Variants in MOXD1 observed in about 807,000 individuals in gnomAD.
The protein encoded by MOXD1 is DBH-like monooxygenase protein 1.
MOXD1 carries 62 observed loss-of-function variants against 66.6 expected under a neutral mutation model. The ratio of observed to expected loss-of-function variants is 0.93; its 90% confidence interval spans 0.76 to 1.15. MOXD1 has a LOEUF of 1.15. Ranked by LOEUF, MOXD1 falls within the 50% of genes most tolerant of loss-of-function variation. The pLI, the probability that MOXD1 is intolerant of heterozygous loss-of-function variation, is 0.00. For synonymous variants in MOXD1, 303 were observed against 281.9 expected, an observed-to-expected ratio of 1.07 and a Z score of -0.75; for missense variants, 847 against 754.6, an observed-to-expected ratio of 1.12 and a Z score of -1.44.
intron 9 of MOXD1, among the ~76,000 whole-genome samples, chr6:132,316,037 A>T (rs1482016320): frequency 6.6e-6 from 1 of 152,190 alleles, no homozygotes; most frequent in East Asian, 1.9e-4. Context: ...AACACAGTGA[A>T]CATTTCAGAG....
At chr6:132,328,315 T>G in intron 5 of MOXD1, 100 bp downstream of exon 5, 1 of 1,442,814 alleles carries the variant, frequency 6.9e-7, no homozygotes, top group Middle Eastern at 1.8e-4. Flanking sequence ...ATATCAAAAG[T>G]AGCGTTAAAG....
chr6:132,297,181 C>T lies in MOXD1; in HGVS notation c.1814G>A (p.Ser605Asn). The T allele has an allele frequency of 6.2e-7, 1 of 1,613,458 alleles. No individual in the cohort carries two copies. The highest frequency in any genetic ancestry group is 8.5e-7 in the Non-Finnish European group (1 of 1,179,602). The change falls in exon 12 of 12, where the codon AGC (serine) becomes AAC (asparagine). Residue 605 changes from serine (S) to asparagine (N), a missense_variant. Transcript: ENST00000367963. ...INLLVCLLLL[S>N]CTLSTKSL The stretch of plus-strand genomic sequence containing the variant: ...CAAGCTCTTGGTGCTCAGCGTGCAG[C>T]TGAGTAGCAGAAGGCAAACAAGCAA...
intron 1 of MOXD1, among the ~76,000 whole-genome samples, chr6:132,395,036 G>C (rs1273459455): frequency 6.6e-6 from 1 of 152,074 alleles, no homozygotes; most frequent in East Asian, 1.9e-4. Context: ...GAAAGACACA[G>C]AGAAAACTCA....
intron 1 of MOXD1, among the ~76,000 whole-genome samples, chr6:132,397,644 AAG>A (rs1421552272): frequency 1.5e-5 from 1 of 66,148 alleles, no homozygotes; most frequent in Non-Finnish European, 2.9e-5. Context: ...GACAGAAAGA[AAG>A]AAAGAAAGAA....
chr6:132,303,837 A>ATG (rs1774620567), intron 10 of MOXD1, among the ~76,000 whole-genome samples: 3 of 30,118 alleles, frequency 1.0e-4, no homozygotes, highest in Non-Finnish European at 1.9e-4. Context: ...GTGTGTGTGT[A>ATG]TATATATATA....
At chr6:132,392,429 C>T in intron 1 of MOXD1, 1 of 1,339,580 alleles carries the variant, frequency 7.5e-7, no homozygotes, top group Non-Finnish European at 1.0e-6. Context: ...CTCTAATTCA[C>T]ACAAACTCAG....
At chr6:132,367,037 T>A (rs1776163168) in intron 4 of MOXD1, among the ~76,000 whole-genome samples, 1 of 152,118 alleles carries the variant, frequency 6.6e-6, no homozygotes, top group Admixed American at 6.6e-5. Context: ...AAAAAGATGT[T>A]CTGTTCAGTA....
At chr6:132,344,303 T>C (rs942072582) in intron 4 of MOXD1, among the ~76,000 whole-genome samples, 1 of 152,212 alleles carries the variant, frequency 6.6e-6, no homozygotes, top group Non-Finnish European at 1.5e-5. Flanking sequence ...CTCTGTTTCC[T>C]ACCACACAAG....
intron 4 of MOXD1, among the ~76,000 whole-genome samples, chr6:132,345,042 C>A (rs976015426): frequency 6.6e-6 from 1 of 152,104 alleles, no homozygotes; most frequent in African/African-American, 2.4e-5. Flanking sequence ...CCAGGCCAAC[C>A]CAGGGGCCAC....
At chr6:132,342,082 A>T (rs901610809) in intron 4 of MOXD1, among the ~76,000 whole-genome samples, 2 of 150,822 alleles carry the variant, frequency 1.3e-5, no homozygotes, top group Non-Finnish European at 3.0e-5. Context: ...GGCTCACTGC[A>T]AACTCCACCT....
chr6:132,346,621 T>C (rs1775673960), intron 4 of MOXD1, among the ~76,000 whole-genome samples: 1 of 152,226 alleles, frequency 6.6e-6, no homozygotes, highest in Non-Finnish European at 1.5e-5. Flanking sequence ...TTCTATCTGG[T>C]AATGAAAGCA....
intron 1 of MOXD1, among the ~76,000 whole-genome samples, chr6:132,380,131 C>T (rs536627250): frequency 2.1e-4 from 32 of 152,336 alleles, no homozygotes; most frequent in African/African-American, 7.5e-4. Context: ...CCTTTGAAAA[C>T]AAACCTACCT....
At chr6:132,348,715 A>G (rs535808914) in intron 4 of MOXD1, among the ~76,000 whole-genome samples, 1 of 152,340 alleles carries the variant, frequency 6.6e-6, no homozygotes, top group South Asian at 2.1e-4. Flanking sequence ...AAGTTTTCAA[A>G]GAAAAATTTA....
intron 4 of MOXD1, among the ~76,000 whole-genome samples, chr6:132,370,287 A>C (rs1262747592): frequency 1.3e-5 from 2 of 152,088 alleles, no homozygotes; most frequent in African/African-American, 2.4e-5. Context: ...GAAATCAGAC[A>C]ACTTAAGGCA....
At chr6:132,329,789 C>T (rs1204779795) in intron 4 of MOXD1, among the ~76,000 whole-genome samples, 1 of 152,020 alleles carries the variant, frequency 6.6e-6, no homozygotes, top group Admixed American at 6.5e-5. Flanking sequence ...TTTCCTTGCA[C>T]ATTTTATTTT....
rs1385493722 is a variant in MOXD1, at chr6:132,386,131, GGT to G, written c.265-11356_265-11355del. 3.7e-5 allele frequency among the ~76,000 whole-genome samples: 5 copies of G among 135,944 alleles called. 1 individual carries two copies. Among genetic ancestry groups the G allele is most frequent in the African/African-American group, 1.4e-4 (5 of 35,554 alleles). The allele number at this position is 135,944 out of a possible 152,430, so 89.2% of individuals were successfully genotyped here. ...AAAAAAAAAAGAAAAGGCCAGGCGCGGTGGCTCACGCCTGTAATCCCAGCGCT... is the reference window on the plus strand; with the variant it reads ...AAAAAAAAAAGAAAAGGCCAGGCGCGGGCTCACGCCTGTAATCCCAGCGCT... On this transcript the variant is annotated intron_variant, in intron 1 of 11. Coordinates refer to ENST00000367963, the MANE Select transcript of MOXD1 (RefSeq NM_015529.4).
At chr6:132,341,483 G>GA (rs1775561850) in intron 4 of MOXD1, among the ~76,000 whole-genome samples, 1 of 152,198 alleles carries the variant, frequency 6.6e-6, no homozygotes, top group African/African-American at 2.4e-5. Context: ...TTCCCAAGCA[G>GA]ATGATCTTCC....
At chr6:132,322,362 G>A (rs1775093668) in intron 8 of MOXD1, among the ~76,000 whole-genome samples, 1 of 152,104 alleles carries the variant, frequency 6.6e-6, no homozygotes, top group African/African-American at 2.4e-5. Flanking sequence ...GCAACCCAAA[G>A]AATCACTAAC....
chr6:132,360,912 A>G (rs537664914), intron 4 of MOXD1, among the ~76,000 whole-genome samples: 4 of 152,330 alleles, frequency 2.6e-5, no homozygotes, highest in African/African-American at 4.8e-5. Flanking sequence ...GAAACATACC[A>G]TAAACCAAAG....
Sources: gnomAD v4.1 joint callset for allele counts (sites outside exome capture counted in the v4.1 genomes callset) on GRCh38, gnomAD v4.1.1 for gene constraint, MANE v1.5 for transcripts, NCBI Gene and HGNC (gene_info 2026-07-23, HGNC 2026-07-21) for gene names.